Variants in RAP1GAP2 observed in about 807,000 individuals in gnomAD.
The protein encoded by RAP1GAP2 is RAP1 GTPase activating protein 2, also known as rap1 GTPase-activating protein 2.
Under a neutral mutation model 95.0 loss-of-function variants are expected in RAP1GAP2, and 27 were observed. The observed-to-expected ratio is 0.28, with a 90% CI of 0.21 to 0.39. RAP1GAP2 has a LOEUF of 0.39. Among genes scored for constraint, RAP1GAP2 ranks in the 10% least tolerant of loss-of-function variants. The pLI is 1.00. For synonymous variants in RAP1GAP2, 373 were observed against 380.9 expected (o/e 0.98, Z 0.24); for missense variants, 771 against 970.0 (o/e 0.79, Z 2.72).
At chr17:3,031,118 A>C (rs147690989) in intron 23 of RAP1GAP2, 120 bp downstream of exon 23, 76 of 1,150,090 alleles carry the variant, frequency 6.6e-5, no homozygotes, top group African/African-American at 6.3e-4. Flanking sequence ...GAGGCAGGGG[A>C]AGCTCTGGGG....
At chr17:3,032,484 G>C (rs1483457641) in intron 24 of RAP1GAP2, 35 bp downstream of exon 24, 15 of 1,593,414 alleles carry the variant, frequency 9.4e-6, no homozygotes, top group Middle Eastern at 1.7e-4. Context: ...TGGCCGTGAG[G>C]GGGGACGTGT....
In RAP1GAP2 at chr17:3,005,521, C is replaced by A; in HGVS notation, c.1272+81C>A. ...TGAGTAGCAATGGTTGGGATGGAGCCAAATTCAGGCTGGGAACATTAGGGA... is the reference window on the plus strand; with the variant it reads ...TGAGTAGCAATGGTTGGGATGGAGCAAAATTCAGGCTGGGAACATTAGGGA... On this transcript the variant is annotated intron_variant, in intron 15 of 24. Coordinates refer to ENST00000254695, the MANE Select transcript of RAP1GAP2 (RefSeq NM_015085.5). This position sits in a 1 kb window ranked among gnomAD's most constrained non-coding sequence, Gnocchi z 5.2. 6.8e-7 allele frequency: 1 copy of A among 1,476,578 alleles called. No individual in the cohort carries two copies. The highest frequency in any genetic ancestry group is 9.5e-7 in the Non-Finnish European group (1 of 1,055,028). The allele number at this position is 1,476,578 out of a possible 1,614,324, so 91.5% of individuals were successfully genotyped here.
chr17:2,801,594 GGTAT>G (rs56171813), intron 2 of RAP1GAP2, among the ~76,000 whole-genome samples: 10,707 of 125,920 alleles, frequency 0.085, 492 homozygotes, highest in South Asian at 0.11. Context: ...AACACTCCAG[GGTAT>G]GTGTGTGTGT....
chr17:2,910,698 G>A (rs2042345244), intron 3 of RAP1GAP2, among the ~76,000 whole-genome samples: 1 of 152,100 alleles, frequency 6.6e-6, no homozygotes. Flanking sequence ...GTTCCTCCTC[G>A]AGTCAACAGA....
chr17:2,916,881 C>T (rs934803621), intron 3 of RAP1GAP2, among the ~76,000 whole-genome samples: 2 of 152,200 alleles, frequency 1.3e-5, no homozygotes, highest in East Asian at 1.9e-4. Context: ...TCTTCGGGCC[C>T]GTGGCCTTCC....
In RAP1GAP2 at chr17:3,027,402, C is replaced by T. The variant is rs1408551946; in HGVS notation, c.2107+332C>T. On this transcript the variant is annotated intron_variant, in intron 22 of 24. Transcript: ENST00000254695. The surrounding 1 kb of genome is among the most constrained non-coding windows in gnomAD (Gnocchi z 5.2). ...CACCTGCCAGTGCTCCAACCCTTCT[C>T]CCCACCTGCCAGCGCTCCAGGGCTG... 6.6e-6 allele frequency among the ~76,000 whole-genome samples: 1 copy of T among 152,114 alleles called. No homozygotes were observed. The highest frequency in any genetic ancestry group is 1.5e-5 in the Non-Finnish European group (1 of 68,006).
intron 8 of RAP1GAP2, among the ~76,000 whole-genome samples, chr17:2,966,581 AG>A (rs1427076398): frequency 6.6e-6 from 1 of 152,218 alleles, no homozygotes; most frequent in Non-Finnish European, 1.5e-5. Flanking sequence ...ACTTTGGGAA[AG>A]GTGGGGGTCC....
At chr17:2,951,405 C>T (rs532211753) in intron 3 of RAP1GAP2, among the ~76,000 whole-genome samples, 1 of 152,202 alleles carries the variant, frequency 6.6e-6, no homozygotes, top group Non-Finnish European at 1.5e-5. Context: ...TCCATGAATT[C>T]TTTGATGCTT....
At chr17:2,772,565 G>A (rs2068417079), upstream of RAP1GAP2, among the ~76,000 whole-genome samples, 1 of 152,092 alleles carries the variant, frequency 6.6e-6, no homozygotes, top group Non-Finnish European at 1.5e-5. Flanking sequence ...AAGGTGCTGA[G>A]ATGACAGACG....
chr17:3,002,222 A>G lies in RAP1GAP2; in HGVS notation c.1201-3147A>G, dbSNP rs558566112. Among the ~76,000 whole-genome samples, 278 of 152,240 alleles carry G rather than the reference A, an allele frequency of 1.8e-3. 1 individual carries two copies. The highest frequency in any genetic ancestry group is 6.5e-3 in the African/African-American group (272 of 41,544). On this transcript the variant is annotated intron_variant, in intron 14 of 24. Transcript: ENST00000254695. ...GTGATCCACTGGCCTCGGCCTCCCA[A>G]AGTGCTGGCATTACAGGCGTGAACC...
intron 2 of RAP1GAP2, among the ~76,000 whole-genome samples, chr17:2,846,453 C>T (rs1252243008): frequency 2.0e-5 from 3 of 152,112 alleles, no homozygotes; most frequent in Non-Finnish European, 4.4e-5. Flanking sequence ...CTCTGTCACT[C>T]AGGCTGGACT....
chr17:2,821,192 C>T (rs1228592753), intron 2 of RAP1GAP2, among the ~76,000 whole-genome samples: 1 of 151,990 alleles, frequency 6.6e-6, no homozygotes, highest in East Asian at 1.9e-4. Context: ...TTCTGTGTCA[C>T]AAGCATTTCC....
chr17:2,975,393 A>G (rs992381919), intron 8 of RAP1GAP2, among the ~76,000 whole-genome samples: 1 of 152,212 alleles, frequency 6.6e-6, no homozygotes, highest in Non-Finnish European at 1.5e-5. Context: ...ATGGTGTGGA[A>G]AGATTTAAAA....
intron 18 of RAP1GAP2, 117 bp downstream of exon 18, chr17:3,018,315 G>T (rs1266925902): frequency 1.5e-6 from 2 of 1,338,820 alleles, no homozygotes; most frequent in Admixed American, 6.0e-5. Flanking sequence ...GGGCAAGCTG[G>T]ATGATGGTGG....
intron 1 of RAP1GAP2, among the ~76,000 whole-genome samples, chr17:2,768,310 A>G (rs2068315395): frequency 1.3e-5 from 2 of 152,222 alleles, no homozygotes; most frequent in African/African-American, 2.4e-5. Context: ...GTAATTATAC[A>G]TGTATTTATG....
At chr17:2,987,144 C>T (rs1450591545) in intron 11 of RAP1GAP2, among the ~76,000 whole-genome samples, 1 of 152,148 alleles carries the variant, frequency 6.6e-6, no homozygotes, top group African/African-American at 2.4e-5. Context: ...TATCGATAAA[C>T]ACAGGCAGCA....
At chr17:2,758,399 C>G (rs527590129) in intron 1 of RAP1GAP2, among the ~76,000 whole-genome samples, 1 of 151,850 alleles carries the variant, frequency 6.6e-6, no homozygotes, top group Non-Finnish European at 1.5e-5. Context: ...TGGTCTTGAT[C>G]TCTGACTTTG....
Position 2,796,537 on chromosome 17 carries a change from C to A in RAP1GAP2, c.10C>A (p.Arg4=), listed in dbSNP as rs746923589. The change falls in exon 1 of 25, where the codon CGG becomes AGG. Residue 4 remains arginine, a synonymous_variant. Coordinates refer to ENST00000254695, the MANE Select transcript of RAP1GAP2 (RefSeq NM_015085.5). The surrounding 1 kb of genome is among the most constrained non-coding windows in gnomAD (Gnocchi z 4.7). MFG[R]KRSVSFGGFG... is the part of the protein sequence containing the mutation. ...CTCTGCAGCCACAACCATGTTTGGC[C>A]GGAAGCGCAGTGTCTCCTTTGGGGG... 1.3e-6 allele frequency: 2 copies of A among 1,563,800 alleles called. No homozygotes were observed. Among genetic ancestry groups the A allele is most frequent in the Non-Finnish European group, 1.7e-6 (2 of 1,154,124 alleles).
upstream of RAP1GAP2, among the ~76,000 whole-genome samples, chr17:2,774,174 T>G (rs1172083851): frequency 6.6e-6 from 1 of 152,036 alleles, no homozygotes. Flanking sequence ...TCCCATGGAG[T>G]AGAAGCTTGG....
Sources: gnomAD v4.1 joint callset for allele counts (sites outside exome capture counted in the v4.1 genomes callset) on GRCh38, gnomAD v4.1.1 for gene constraint, Gnocchi (gnomAD v3.1) non-coding constraint, MANE v1.5 for transcripts, NCBI Gene and HGNC (gene_info 2026-07-23, HGNC 2026-07-21) for gene names.